KCNJ6: variants seen among roughly 807,000 people sequenced by gnomAD.
KCNJ6 encodes the protein potassium inwardly rectifying channel subfamily J member 6.
A neutral mutation model predicts 34.2 loss-of-function variants in KCNJ6; 9 were observed. The ratio of observed to expected loss-of-function variants is 0.26; its 90% CI spans 0.16 to 0.46. KCNJ6 has a LOEUF of 0.46. Among genes scored for constraint, KCNJ6 ranks in the 20% least tolerant of loss-of-function variants. The probability of loss-of-function intolerance (pLI) is 1.00; values close to 1 mark genes in which losing one functional copy is unlikely to be tolerated. For missense variants in KCNJ6, 236 were observed against 531.3 expected (o/e 0.44, Z 5.46); for synonymous variants, 196 against 207.1 (o/e 0.95, Z 0.46).
intron 1 of KCNJ6, among the ~76,000 whole-genome samples, chr21:37,865,536 G>A (rs1203178914): frequency 1.3e-5 from 2 of 152,212 alleles, no homozygotes; most frequent in Admixed American, 1.3e-4. Context: ...TCTTTGAGAA[G>A]CCAGTGGTAG....
At chr21:37,914,010 T>TGTGTGTGTGG (rs2123656922) in intron 1 of KCNJ6, among the ~76,000 whole-genome samples, 1 of 106,588 alleles carries the variant, frequency 9.4e-6, no homozygotes, top group South Asian at 2.6e-4. Context: ...CGGATCGGGG[T>TGTGTGTGTGG]GTGTGTGTGT....
rs202104469 is a variant in KCNJ6 at position 37,840,861 on chromosome 21, G to A, written c.-27-152C>T. ...AAATGAATAAAAAACCCACATGACA[G>A]TTATATTATCAGTCAGTCACTGAAA... is the stretch of plus-strand genomic sequence containing the variant. On this transcript the variant is annotated intron_variant, in intron 1 of 3. Coordinates refer to ENST00000609713, the MANE Select transcript of KCNJ6 (RefSeq NM_002240.5). Among the ~76,000 whole-genome samples the A allele has an allele frequency of 1.9e-4, 29 of 152,226 alleles. No homozygotes were observed. The East Asian group carries it at 5.0e-3, about 26-fold the overall frequency.
intron 2 of KCNJ6, among the ~76,000 whole-genome samples, chr21:37,831,593 T>C (rs1368478018): frequency 6.6e-6 from 1 of 152,106 alleles, no homozygotes; most frequent in Admixed American, 6.5e-5. Flanking sequence ...AAAACCCGCC[T>C]CTAGGTTGGC....
intron 1 of KCNJ6, among the ~76,000 whole-genome samples, 176 bp downstream of exon 1, chr21:37,915,708 T>C (rs912772707): frequency 4.6e-5 from 7 of 152,238 alleles, no homozygotes; most frequent in African/African-American, 1.7e-4. Context: ...TTCTGTTATG[T>C]AACCGGCTTC....
chr21:37,756,125 G>C (rs1371716659), intron 2 of KCNJ6, among the ~76,000 whole-genome samples: 1 of 152,210 alleles, frequency 6.6e-6, no homozygotes, highest in Non-Finnish European at 1.5e-5. Flanking sequence ...GCTGGCACAA[G>C]GGTTGTGTGG....
chr21:37,772,382 A>G (rs1340212054), intron 2 of KCNJ6, among the ~76,000 whole-genome samples: 1 of 152,182 alleles, frequency 6.6e-6, no homozygotes, highest in Non-Finnish European at 1.5e-5. Flanking sequence ...ACATGCATGC[A>G]TATTTAACAG....
chr21:37,860,303 A>G (rs771188697), intron 1 of KCNJ6, among the ~76,000 whole-genome samples: 2 of 152,092 alleles, frequency 1.3e-5, no homozygotes, highest in Non-Finnish European at 2.9e-5. Flanking sequence ...GGGAAAGACC[A>G]TGGGGCTCTG....
intron 2 of KCNJ6, among the ~76,000 whole-genome samples, chr21:37,745,020 A>G (rs1018079245): frequency 4.7e-5 from 7 of 149,726 alleles, no homozygotes; most frequent in Non-Finnish European, 8.9e-5. Flanking sequence ...ACAGCAGAAG[A>G]GAGGGAACCA....
At chr21:37,707,366 T>C (rs2054725645) in intron 3 of KCNJ6, among the ~76,000 whole-genome samples, 1 of 152,308 alleles carries the variant, frequency 6.6e-6, no homozygotes, top group Non-Finnish European at 1.5e-5. Context: ...CTGTGTGGTC[T>C]ATAGAGGAAG....
intron 2 of KCNJ6, among the ~76,000 whole-genome samples, chr21:37,836,852 C>A (rs7280659): frequency 0.57 from 86,693 of 151,814 alleles, 24,954 homozygotes; most frequent in East Asian, 0.79. Flanking sequence ...ACAAATCTGC[C>A]CGTTCTGCAC....
intron 1 of KCNJ6, among the ~76,000 whole-genome samples, chr21:37,877,960 G>A (rs938711554): frequency 1.3e-5 from 2 of 152,230 alleles, no homozygotes; most frequent in African/African-American, 4.8e-5. Context: ...GAAAGAAAAG[G>A]CATCATAAGA....
At chr21:37,792,651 C>T (rs1228821872) in intron 2 of KCNJ6, among the ~76,000 whole-genome samples, 1 of 152,122 alleles carries the variant, frequency 6.6e-6, no homozygotes. Context: ...TTTACATTGG[C>T]ATTGTTTTGA....
At chr21:37,820,710 T>C (rs568785880) in intron 2 of KCNJ6, among the ~76,000 whole-genome samples, 2 of 152,376 alleles carry the variant, frequency 1.3e-5, no homozygotes, top group African/African-American at 4.8e-5. Flanking sequence ...CTCATCACTT[T>C]GGCAAACCCA....
intron 3 of KCNJ6, among the ~76,000 whole-genome samples, chr21:37,683,139 T>C (rs1327917784): frequency 6.6e-6 from 1 of 152,226 alleles, no homozygotes; most frequent in African/African-American, 2.4e-5. Flanking sequence ...CTGATTTACA[T>C]TATAATTTCT....
chr21:37,768,775 C>T (rs1285634784), intron 2 of KCNJ6, among the ~76,000 whole-genome samples: 2 of 152,244 alleles, frequency 1.3e-5, no homozygotes, highest in African/African-American at 4.8e-5. Flanking sequence ...TTACATACAG[C>T]ATTTTTCTCT....
Position 37,856,425 on chromosome 21 carries a change from G to A in KCNJ6, c.-27-15716C>T, listed in dbSNP as rs528828587. Among the ~76,000 whole-genome samples, 15 of 152,102 alleles carry A rather than the reference G, an allele frequency of 9.9e-5. 1 individual carries two copies. The highest frequency in any genetic ancestry group is 9.7e-4 in the East Asian group (5 of 5,162). ...CTCAACTCTGTGATTTTGTGCTTCC[G>A]GCCTTAGTCAGAGCCAGCCTCTCTG... On this transcript the variant is annotated intron_variant, in intron 1 of 3. Coordinates refer to ENST00000609713, the MANE Select transcript of KCNJ6 (RefSeq NM_002240.5).
intron 2 of KCNJ6, among the ~76,000 whole-genome samples, chr21:37,760,168 C>A (rs978429734): frequency 5.3e-5 from 8 of 152,208 alleles, no homozygotes; most frequent in Admixed American, 1.3e-4. Flanking sequence ...ACCTGCCCAG[C>A]CAAGCTGGTC....
chr21:37,631,384 A>G (rs536326282), intron 3 of KCNJ6, among the ~76,000 whole-genome samples: 16 of 152,362 alleles, frequency 1.1e-4, no homozygotes, highest in African/African-American at 3.4e-4. Context: ...AATATAATAC[A>G]ATGCTGGAAA....
chr21:37,732,942 G>A (rs2054893198), intron 2 of KCNJ6, among the ~76,000 whole-genome samples: 1 of 152,088 alleles, frequency 6.6e-6, no homozygotes, highest in Non-Finnish European at 1.5e-5. Flanking sequence ...AGCAAGAAAA[G>A]GGGGGGCTGG....
Sources: allele counts gnomAD v4.1 joint callset (sites outside exome capture counted in the v4.1 genomes callset), GRCh38; gene constraint gnomAD v4.1.1; transcripts MANE v1.5; gene names NCBI Gene and HGNC (gene_info 2026-07-23, HGNC 2026-07-21).